GSTA4: variants seen among roughly 807,000 people sequenced by gnomAD.
GSTA4 encodes glutathione S-transferase alpha 4.
Under a neutral mutation model 24.4 loss-of-function variants are expected in GSTA4, and 15 were observed. The observed-to-expected ratio is 0.61, with a 90% CI of 0.41 to 0.95. The LOEUF is 0.95. Among genes scored for constraint, GSTA4 ranks in the 40% least tolerant of loss-of-function variants. The pLI, the probability that GSTA4 is intolerant of heterozygous loss-of-function variation, is 0.00. For synonymous variants in GSTA4, 92 were observed against 94.2 expected (o/e 0.98, Z 0.13); for missense variants, 244 against 262.1 (o/e 0.93, Z 0.48).
intron 2 of GSTA4, among the ~76,000 whole-genome samples, chr6:52,989,170 A>G (rs911065474): frequency 1.3e-5 from 2 of 152,236 alleles, no homozygotes; most frequent in African/African-American, 4.8e-5. Flanking sequence ...AATGTCAGGA[A>G]GTTACCCTAT....
chr6:52,985,536 TC>T lies in GSTA4; in HGVS notation c.186del (p.Met63Ter). The T allele has an allele frequency of 6.2e-7, 1 of 1,613,904 alleles. No homozygotes were observed. Among genetic ancestry groups the T allele is most frequent in the Non-Finnish European group, 8.5e-7 (1 of 1,179,802 alleles). On this transcript the variant is annotated frameshift_variant, in exon 4 of 7. Transcript: ENST00000370963. LOFTEE classifies it high-confidence loss of function. ...ATGCTTCGGGTCTGTACCAACTTCA[TC>T]CCGTCAATTTCAACCATGGGCACTT... ...FQQVPMVEID[G>X]MKLVQTRSIL... is the part of the protein sequence containing the mutation.
intron 6 of GSTA4, among the ~76,000 whole-genome samples, chr6:52,979,625 C>T (rs1044960501): frequency 5.9e-5 from 9 of 152,034 alleles, no homozygotes; most frequent in African/African-American, 2.2e-4. Context: ...TCTAATAAAA[C>T]CTTTTAAAGA....
chr6:52,982,908 AG>A (rs1763482492), intron 5 of GSTA4, among the ~76,000 whole-genome samples: 1 of 151,986 alleles, frequency 6.6e-6, no homozygotes, highest in Non-Finnish European at 1.5e-5. Context: ...AGAGAGCGAG[AG>A]AGAGAGAGAG....
chr6:52,982,352 TA>T (rs67390777), intron 6 of GSTA4, among the ~76,000 whole-genome samples: 77,968 of 150,230 alleles, frequency 0.52, 20,405 homozygotes, highest in East Asian at 0.74. Flanking sequence ...GATCCCACCT[TA>T]AAAAAAAAAA....
chr6:52,990,855 C>T (rs1327401991), intron 2 of GSTA4, among the ~76,000 whole-genome samples: 2 of 152,020 alleles, frequency 1.3e-5, no homozygotes, highest in Admixed American at 6.6e-5. Context: ...GCAAACACAC[C>T]CTGAAACAAG....
intron 2 of GSTA4, among the ~76,000 whole-genome samples, chr6:52,991,796 T>TCA: frequency 6.6e-6 from 1 of 150,564 alleles, no homozygotes; most frequent in East Asian, 1.9e-4. Flanking sequence ...CTCGTTCTGT[T>TCA]GTCCAGGCTG....
chr6:52,984,322 C>T (rs908068291), intron 5 of GSTA4, 142 bp downstream of exon 5: 6 of 695,970 alleles, frequency 8.6e-6, no homozygotes, highest in African/African-American at 5.4e-5. Context: ...GGCTACTATT[C>T]GCTCTTAGGA....
intron 2 of GSTA4, among the ~76,000 whole-genome samples, chr6:52,992,550 C>A (rs549874397): frequency 1.3e-5 from 2 of 152,182 alleles, no homozygotes; most frequent in Non-Finnish European, 1.5e-5. Flanking sequence ...CATGTTGATA[C>A]GTAACCCCTA....
chr6:52,982,810 C>T, intron 5 of GSTA4, 105 bp from the exon 6 acceptor site: 4 of 834,048 alleles, frequency 4.8e-6, no homozygotes, highest in South Asian at 4.7e-5. Flanking sequence ...ATGACCTTGT[C>T]ATTTCATGCT....
chr6:52,989,509 A>G (rs1387745430), intron 2 of GSTA4, among the ~76,000 whole-genome samples: 2 of 152,170 alleles, frequency 1.3e-5, no homozygotes, highest in Non-Finnish European at 2.9e-5. Flanking sequence ...ATGTAGCAAA[A>G]TGTTAACAAT....
intron 2 of GSTA4, among the ~76,000 whole-genome samples, chr6:52,988,237 T>A (rs548065039): frequency 5.3e-5 from 8 of 150,228 alleles, no homozygotes; most frequent in Non-Finnish European, 1.2e-4. Flanking sequence ...CAATTATGGA[T>A]TATAACACCC....
chr6:52,982,497 A>G, intron 6 of GSTA4, 77 bp downstream of exon 6: 3 of 1,103,940 alleles, frequency 2.7e-6, no homozygotes, highest in Non-Finnish European at 4.0e-6. Context: ...CACACTCCCC[A>G]AAGCCAACCA....
chr6:52,991,719 C>T (rs1186485109), intron 2 of GSTA4, among the ~76,000 whole-genome samples: 2 of 150,872 alleles, frequency 1.3e-5, no homozygotes, highest in East Asian at 1.9e-4. Context: ...TAGAAACAAA[C>T]GTAGACATCT....
rs1189322828 is a variant in GSTA4, at chr6:52,978,585, G to A, written c.554C>T (p.Thr185Ile). The change falls in exon 7 of 7, where the codon ACA (threonine) becomes ATA (isoleucine). Residue 185 changes from threonine to isoleucine, a missense_variant. Coordinates refer to ENST00000370963, the MANE Select transcript of GSTA4 (RefSeq NM_001512.4). ...LSAFPFLQEY[T>I]VKLSNIPTIK... is the part of the protein sequence containing the mutation. ...TGTAGGGATATTACTTAGTTTCACT[G>A]TGTATTCCTGAAAAAGGAAAACCAA... The A allele has an allele frequency of 1.2e-6, 2 of 1,602,184 alleles. No individual in the cohort carries two copies. The highest frequency in any genetic ancestry group is 8.5e-7 in the Non-Finnish European group (1 of 1,175,028).
intron 2 of GSTA4, among the ~76,000 whole-genome samples, chr6:52,991,826 C>T (rs866567633): frequency 4.8e-5 from 7 of 147,306 alleles, no homozygotes; most frequent in African/African-American, 1.3e-4. Flanking sequence ...GGGGCAATCT[C>T]GGCTCACTGC....
rs368630627 is a variant in GSTA4 at position 52,978,516 on chromosome 6, G to A, written c.623C>T (p.Pro208Leu). ...LEPGSKKKPP[P>L]DEIYVRTVYN... ...GACGGTTCTCACATAAATTTCATCA[G>A]GGGGAGGCTTCTTCTTGCTGCCAGG... The change falls in exon 7 of 7, where the codon CCT becomes CTT. Residue 208 changes from proline (P) to leucine (L), a missense_variant. By Grantham distance (98) the Pro-to-Leu change is moderately conservative. Coordinates refer to ENST00000370963, the MANE Select transcript of GSTA4 (RefSeq NM_001512.4). 2.5e-6 allele frequency: 4 copies of A among 1,613,058 alleles called. No individual in the cohort carries two copies. The highest frequency in any genetic ancestry group is 2.5e-6 in the Non-Finnish European group (3 of 1,179,278).
At chr6:52,993,913 A>C in intron 2 of GSTA4, 1 of 564,352 alleles carries the variant, frequency 1.8e-6, no homozygotes, top group Non-Finnish European at 3.2e-6. Flanking sequence ...CTTATTAATA[A>C]ATATTCACTG....
In GSTA4 at chr6:52,987,581, G is replaced by A. The variant is rs1037311258; in HGVS notation, c.88-173C>T. 4 of 514,100 alleles carry A rather than the reference G, an allele frequency of 7.8e-6. No homozygotes were observed. The East Asian group carries it at 1.0e-4, about 13-fold the overall frequency. 31.8% of individuals were successfully genotyped at this position (514,100 alleles called of 1,614,324 possible). On this transcript the variant is annotated intron_variant, in intron 2 of 6. Coordinates refer to ENST00000370963, the MANE Select transcript of GSTA4 (RefSeq NM_001512.4). The stretch of plus-strand genomic sequence containing the variant: ...TGCATGTTCTGATTCATATGTGGGA[G>A]CTAAAAAAGTGGATCTCATGGAAAT...
intron 6 of GSTA4, among the ~76,000 whole-genome samples, chr6:52,979,475 T>C (rs1763409556): frequency 6.6e-6 from 1 of 152,220 alleles, no homozygotes; most frequent in Non-Finnish European, 1.5e-5. Flanking sequence ...TTATATAAAC[T>C]GGAATGGAAG....
Sources: allele counts gnomAD v4.1 joint callset (sites outside exome capture counted in the v4.1 genomes callset), GRCh38; gene constraint gnomAD v4.1.1; transcripts MANE v1.5; gene names NCBI Gene and HGNC (gene_info 2026-07-23, HGNC 2026-07-21).